Variants in PARP9 observed in about 807,000 individuals in gnomAD.
PARP9 encodes the protein protein mono-ADP-ribosyltransferase PARP9.
In PARP9, 48 loss-of-function variants were observed where a neutral mutation model predicts 68.8. That is an observed-to-expected ratio of 0.70 (90% CI 0.55 to 0.89). The LOEUF (loss-of-function observed/expected upper bound fraction) is 0.89. PARP9 is among the 40% of genes least tolerant of loss of function. The pLI, the probability that PARP9 is intolerant of heterozygous loss-of-function variation, is 0.00. For missense variants in PARP9, 806 were observed against 969.3 expected, an observed-to-expected ratio of 0.83 and a Z score of 2.24; for synonymous variants, 309 against 333.8, an observed-to-expected ratio of 0.93 and a Z score of 0.81.
At chr3:122,556,196 C>A in intron 3 of PARP9, 75 bp from the exon 4 acceptor site, 1 of 981,586 alleles carries the variant, frequency 1.0e-6, no homozygotes, top group Admixed American at 3.3e-5. Flanking sequence ...AGGTTGTAAT[C>A]CCACTTCATA....
At chr3:122,534,432 C>G (rs750619691) in intron 10 of PARP9, 1 of 985,322 alleles carries the variant, frequency 1.0e-6, no homozygotes. Context: ...TATACCTGTT[C>G]GGCAGCATGT....
chr3:122,538,195 T>C (rs2077798738), intron 8 of PARP9, among the ~76,000 whole-genome samples: 2 of 152,090 alleles, frequency 1.3e-5, no homozygotes, highest in African/African-American at 4.8e-5. Flanking sequence ...TGGGGAGCAA[T>C]AGCTCATATT....
At chr3:122,545,395 G>A in intron 7 of PARP9, 37 bp downstream of exon 7, 1 of 1,604,008 alleles carries the variant, frequency 6.2e-7, no homozygotes, top group Non-Finnish European at 8.5e-7. Context: ...CCAATGGTGG[G>A]CGACCCTACT....
intron 6 of PARP9, among the ~76,000 whole-genome samples, chr3:122,546,968 C>CTATATATATATATA (rs57337681): frequency 5.7e-5 from 4 of 70,142 alleles, no homozygotes; most frequent in Admixed American, 3.9e-4. Context: ...ATACATGGCA[C>CTATATATATATATA]TATATATATA....
intron 6 of PARP9, 123 bp from the exon 7 acceptor site, chr3:122,545,612 C>T (rs1477145955): frequency 1.1e-6 from 1 of 886,962 alleles, no homozygotes; most frequent in African/African-American, 1.7e-5. Flanking sequence ...TTCCTACTAC[C>T]ACAAATCTAA....
rs1398997825 is a variant in PARP9, at chr3:122,540,601, T to C, written c.1636A>G (p.Arg546Gly). Residue 546 changes from arginine to glycine, a missense_variant, in exon 8 of 11, where the codon AGG becomes GGG. Coordinates refer to ENST00000682323, the MANE Select transcript of PARP9 (RefSeq NM_001146105.2). ...VSITEIISPG[R>G]TELEIEGARA... ...GCTCCTTCAATCTCTAACTCTGTCC[T>C]TCCTGGGCTGATAATTTCTGTGATG... is the stretch of plus-strand genomic sequence containing the variant. 1.2e-5 allele frequency: 19 copies of C among 1,614,232 alleles called. No individual in the cohort carries two copies. The highest frequency in any genetic ancestry group is 1.6e-5 in the Non-Finnish European group (19 of 1,180,030).
At chr3:122,549,064 G>A (rs1189049485) in intron 6 of PARP9, among the ~76,000 whole-genome samples, 2 of 149,986 alleles carry the variant, frequency 1.3e-5, no homozygotes, top group Non-Finnish European at 3.0e-5. Context: ...GCCCAAGCCC[G>A]GGTGCAATGG....
rs1330403895 is a variant in PARP9 at position 122,537,033 on chromosome 3, C to A, written c.1806G>T (p.Met602Ile). 6.2e-7 allele frequency: 1 copy of A among 1,613,406 alleles called. No homozygotes were observed. Among genetic ancestry groups the A allele is most frequent in the Non-Finnish European group, 8.5e-7 (1 of 1,179,646 alleles). ...TIQQQKTQDE[M>I]KENIIFLKCP... ...ATTTCAGAAATATGATATTTTCTTT[C>A]ATTTCGTCTTGGGTTTTTTGTTGCT... Residue 602 changes from methionine (M) to isoleucine (I), a missense_variant, in exon 9 of 11, where the codon ATG (methionine) becomes ATT (isoleucine). Coordinates refer to ENST00000682323, the MANE Select transcript of PARP9 (RefSeq NM_001146105.2).
intron 10 of PARP9, chr3:122,534,071 G>A: frequency 2.0e-6 from 2 of 985,220 alleles, no homozygotes; most frequent in Non-Finnish European, 2.4e-6. Context: ...TCAAGGCAGT[G>A]GCTGTTAAGC....
At chr3:122,546,192 ACTTTTAGG>A in intron 6 of PARP9, among the ~76,000 whole-genome samples, 1 of 152,220 alleles carries the variant, frequency 6.6e-6, no homozygotes, top group Non-Finnish European at 1.5e-5. Context: ...TTGATTTAGG[ACTTTTAGG>A]CTTTATTGAT....
In PARP9 at chr3:122,539,507, A is replaced by ATTCCTTTCTTTCTTTCTTTCTTTC. The variant is rs1553714534; in HGVS notation, c.1765+964_1765+965insGAAAGAAAGAAAGAAAGAAAGGAA. Among the ~76,000 whole-genome samples, 63 of 133,234 alleles carry ATTCCTTTCTTTCTTTCTTTCTTTC rather than the reference A, an allele frequency of 4.7e-4. 1 individual carries two copies. The highest frequency in any genetic ancestry group is 3.7e-3 in the Middle Eastern group (1 of 272). 87.4% of individuals were successfully genotyped at this position (133,234 alleles called of 152,430 possible). On this transcript the variant is annotated intron_variant, in intron 8 of 10. Transcript: ENST00000682323. The stretch of plus-strand genomic sequence containing the variant: ...CTCTATCTCTATCTCCCAAGATGGC[A>ATTCCTTTCTTTCTTTCTTTCTTTC]TTTCTTTCTTTCTTTCTTTCTTTCT...
rs1235110116 is a variant in PARP9 at position 122,552,584 on chromosome 3, G to C, written c.941C>G (p.Ala314Gly). The C allele has an allele frequency of 6.2e-6, 10 of 1,613,910 alleles. No individual in the cohort carries two copies. Among genetic ancestry groups the C allele is most frequent in the Non-Finnish European group, 8.5e-6 (10 of 1,179,988 alleles). ...NPHDITVGPV[A>G]KSILQQAGVE... Reference sequence around the variant, plus strand: ...TCCTGCTTGTTGTAGAATTGACTTTGCCACAGGTCCAACTGTAATATCATG... The same window carrying C: ...TCCTGCTTGTTGTAGAATTGACTTTCCCACAGGTCCAACTGTAATATCATG... Residue 314 changes from alanine (A) to glycine (G), a missense_variant, in exon 5 of 11, where the codon GCA (alanine) becomes GGA (glycine). Ala to Gly is a moderately conservative substitution (Grantham distance 60, BLOSUM62 0). Coordinates refer to ENST00000682323, the MANE Select transcript of PARP9 (RefSeq NM_001146105.2).
intron 10 of PARP9, chr3:122,533,896 G>A (rs1356337793): frequency 1.9e-5 from 19 of 985,316 alleles, no homozygotes; most frequent in Admixed American, 6.1e-5. Context: ...AATATTGCAC[G>A]GCTGAAAAAG....
intron 10 of PARP9, among the ~76,000 whole-genome samples, chr3:122,531,562 C>G (rs1465056323): frequency 6.6e-6 from 1 of 152,140 alleles, no homozygotes; most frequent in East Asian, 1.9e-4. Context: ...TCGAGACCAG[C>G]CTGGCCAACA....
upstream of PARP9, chr3:122,564,448 C>T (rs1482657474): frequency 1.2e-6 from 2 of 1,611,162 alleles, no homozygotes; most frequent in African/African-American, 1.3e-5. Context: ...CCTGCGCCCG[C>T]CGTCCCCGCT....
rs373187767 is a variant in PARP9, at chr3:122,535,250, A to G, written c.2080+918T>C. 46 of 985,224 alleles carry G rather than the reference A, an allele frequency of 4.7e-5. No individual in the cohort carries two copies. The African/African-American group carries it at 6.5e-4, about 14-fold the overall frequency. The allele number at this position is 985,224 out of a possible 1,614,324, so 61.0% of individuals were successfully genotyped here. On this transcript the variant is annotated intron_variant, in intron 10 of 10. Transcript: ENST00000682323. ...TGATTGCCCCAAAAGGCTTCTTGGT[A>G]GGGATTCATTTCTCTATTTTTATCC...
chr3:122,560,788 A>G (rs976951947), intron 1 of PARP9, among the ~76,000 whole-genome samples: 4 of 152,214 alleles, frequency 2.6e-5, no homozygotes, highest in African/African-American at 9.6e-5. Flanking sequence ...GGTCTAGTAC[A>G]ATCCTTTGCA....
chr3:122,548,352 C>T (rs2078927013), intron 6 of PARP9, among the ~76,000 whole-genome samples: 2 of 152,164 alleles, frequency 1.3e-5, no homozygotes, highest in African/African-American at 4.8e-5. Flanking sequence ...TGTTTGCAGC[C>T]ACTCTCTGCA....
chr3:122,564,227 G>A lies in PARP9; in HGVS notation c.-90+18C>T, dbSNP rs2080491797. 2 of 590,492 alleles carry A rather than the reference G, an allele frequency of 3.4e-6. No homozygotes were observed. The highest frequency in any genetic ancestry group is 5.6e-6 in the Non-Finnish European group (2 of 358,610). 36.6% of individuals were successfully genotyped at this position (590,492 alleles called of 1,614,324 possible). On this transcript the variant is annotated intron_variant, in intron 1 of 10. Transcript: ENST00000682323. ...GGAGAGGGGACCCCGAGGGCCCAGA[G>A]GCACCGGACCTACTCACCCGGCAGG...
Sources: gnomAD v4.1 joint callset for allele counts (sites outside exome capture counted in the v4.1 genomes callset) on GRCh38, gnomAD v4.1.1 for gene constraint, MANE v1.5 for transcripts, NCBI Gene and HGNC (gene_info 2026-07-23, HGNC 2026-07-21) for gene names.